Variants in PTPRK observed in about 807,000 individuals in gnomAD.
The protein encoded by PTPRK is protein tyrosine phosphatase receptor type K.
PTPRK carries 75 observed loss-of-function variants against 178.0 expected under a neutral mutation model. The ratio of observed to expected loss-of-function variants is 0.42; its 90% CI spans 0.35 to 0.51. The LOEUF (loss-of-function observed/expected upper bound fraction) is 0.51, where lower values mean the gene tolerates loss of function less well. PTPRK is among the 20% of genes least tolerant of loss of function. The pLI is 0.02. For synonymous variants in PTPRK, 637 were observed against 620.6 expected (o/e 1.03, Z -0.39); for missense variants, 1,441 against 1,797.8 (o/e 0.80, Z 3.59).
At chr6:128,082,396 T>C (rs748177308) in intron 10 of PTPRK, 41 bp downstream of exon 10, 1 of 1,531,300 alleles carries the variant, frequency 6.5e-7, no homozygotes, top group Non-Finnish European at 9.0e-7. Context: ...TACAAACCAA[T>C]GGCATAATCA....
chr6:127,993,069 T>G lies in PTPRK; in HGVS notation c.2845-360A>C, dbSNP rs549673068. ...TTTAAAAATATTAATTCTCATTTTA[T>G]CATCCAAAAGTACAACACACTGCAT... On this transcript the variant is annotated intron_variant, in intron 18 of 29. Coordinates refer to ENST00000368226, the MANE Select transcript of PTPRK (RefSeq NM_002844.4). Among the ~76,000 whole-genome samples the G allele has an allele frequency of 1.0e-3, 159 of 151,840 alleles. 1 individual carries two copies. The highest frequency in any genetic ancestry group is 3.6e-3 in the African/African-American group (151 of 41,522).
At chr6:128,389,420 TTG>T (rs1554250088) in intron 2 of PTPRK, among the ~76,000 whole-genome samples, 8 of 144,642 alleles carry the variant, frequency 5.5e-5, no homozygotes, top group Non-Finnish European at 1.2e-4. Context: ...TTTGTTTTTT[TTG>T]TTGTGTGTGT....
chr6:127,970,329 A>G (rs1163730813), intron 29 of PTPRK, 49 bp from the exon 30 acceptor site: 10 of 1,452,120 alleles, frequency 6.9e-6, no homozygotes, highest in Non-Finnish European at 8.6e-6. Flanking sequence ...GAAAGAGACT[A>G]ATGTTGAATA....
At chr6:128,176,824 A>AAAATAATG (rs1182186457) in intron 7 of PTPRK, among the ~76,000 whole-genome samples, 2 of 151,732 alleles carry the variant, frequency 1.3e-5, no homozygotes, top group Admixed American at 1.3e-4. Context: ...TTAAATGATG[A>AAAATAATG]AAATAATGAG....
chr6:128,085,549 A>C (rs1255987758), intron 8 of PTPRK, among the ~76,000 whole-genome samples: 2 of 152,226 alleles, frequency 1.3e-5, no homozygotes, highest in African/African-American at 2.4e-5. Flanking sequence ...ATAACTGCCT[A>C]TGTTTACCTA....
chr6:128,196,464 G>A (rs1804880311), intron 6 of PTPRK, among the ~76,000 whole-genome samples: 1 of 152,078 alleles, frequency 6.6e-6, no homozygotes, highest in African/African-American at 2.4e-5. Flanking sequence ...TTATACCAGT[G>A]TGACAGCCAA....
At chr6:128,428,768 G>A (rs1202542292) in intron 1 of PTPRK, among the ~76,000 whole-genome samples, 1 of 152,134 alleles carries the variant, frequency 6.6e-6, no homozygotes, top group African/African-American at 2.4e-5. Flanking sequence ...CTTAACAATG[G>A]TGCAAAGGTC....
chr6:128,131,242 C>A (rs1794187459), intron 7 of PTPRK, among the ~76,000 whole-genome samples: 1 of 152,106 alleles, frequency 6.6e-6, no homozygotes, highest in African/African-American at 2.4e-5. Flanking sequence ...GATAAAGAAG[C>A]AATTGTGACT....
At chr6:128,163,594 T>G in intron 7 of PTPRK, among the ~76,000 whole-genome samples, 1 of 151,512 alleles carries the variant, frequency 6.6e-6, no homozygotes, top group East Asian at 1.9e-4. Flanking sequence ...ATATTTTTTA[T>G]GCTATGGATC....
intron 1 of PTPRK, among the ~76,000 whole-genome samples, chr6:128,483,626 G>T (rs551380748): frequency 6.6e-6 from 1 of 151,984 alleles, no homozygotes; most frequent in African/African-American, 2.4e-5. Flanking sequence ...GAACTGACAC[G>T]TTCCCCTAAT....
In PTPRK at chr6:128,059,077, T is replaced by A. The variant is rs550498932; in HGVS notation, c.2194+5681A>T. On this transcript the variant is annotated intron_variant, in intron 13 of 29. Coordinates refer to ENST00000368226, the MANE Select transcript of PTPRK (RefSeq NM_002844.4). ...CTGTCTTAATTACTCTAACTTTATA[T>A]TGGCCTTGATAACATCCAGGAACTG... 2.6e-5 allele frequency among the ~76,000 whole-genome samples: 4 copies of A among 152,272 alleles called. No homozygotes were observed. The East Asian group carries it at 7.7e-4, about 29-fold the overall frequency.
At chr6:127,999,902 C>G in intron 15 of PTPRK, 2 of 855,010 alleles carry the variant, frequency 2.3e-6, no homozygotes, top group African/African-American at 1.8e-5. Context: ...AAGTCCCTTC[C>G]CAATTGTGTT....
At chr6:127,989,848 A>G (rs1270458164) in intron 21 of PTPRK, among the ~76,000 whole-genome samples, 1 of 151,356 alleles carries the variant, frequency 6.6e-6, no homozygotes, top group African/African-American at 2.4e-5. Context: ...TATTAACATT[A>G]TAAATTAAGG....
chr6:128,318,416 T>A (rs1828333228), intron 3 of PTPRK, among the ~76,000 whole-genome samples: 1 of 152,178 alleles, frequency 6.6e-6, no homozygotes, highest in Non-Finnish European at 1.5e-5. Context: ...GCCTGTCAAT[T>A]CTTACATTTT....
At chr6:128,314,735 G>T (rs1456897836) in intron 3 of PTPRK, among the ~76,000 whole-genome samples, 1 of 151,850 alleles carries the variant, frequency 6.6e-6, no homozygotes, top group Non-Finnish European at 1.5e-5. Flanking sequence ...TGACAGAATG[G>T]ACATGAACAT....
intron 2 of PTPRK, among the ~76,000 whole-genome samples, chr6:128,334,957 G>A (rs576118184): frequency 1.2e-4 from 18 of 152,038 alleles, no homozygotes; most frequent in African/African-American, 2.7e-4. Flanking sequence ...GCGTGGTGGC[G>A]GGCACCTGTA....
intron 3 of PTPRK, among the ~76,000 whole-genome samples, chr6:128,258,812 A>G (rs1817735432): frequency 6.6e-6 from 1 of 152,218 alleles, no homozygotes; most frequent in Non-Finnish European, 1.5e-5. Context: ...GGAGGGAATG[A>G]CAGGCACAAA....
chr6:128,278,505 C>T (rs1317931154), intron 3 of PTPRK, among the ~76,000 whole-genome samples: 1 of 152,112 alleles, frequency 6.6e-6, no homozygotes, highest in Non-Finnish European at 1.5e-5. Flanking sequence ...GAATCTCTCA[C>T]CCTCCACTTA....
chr6:128,381,815 T>C (rs1837950287), intron 2 of PTPRK, among the ~76,000 whole-genome samples: 2 of 152,190 alleles, frequency 1.3e-5, no homozygotes, highest in South Asian at 2.1e-4. Flanking sequence ...AGTTTGCCTA[T>C]TTCTACACTA....
Sources: allele counts gnomAD v4.1 joint callset (sites outside exome capture counted in the v4.1 genomes callset), GRCh38; gene constraint gnomAD v4.1.1; transcripts MANE v1.5; gene names NCBI Gene and HGNC (gene_info 2026-07-23, HGNC 2026-07-21).